The following MARK4 variants were observed in gnomAD, a reference collection of about 807,000 sequenced individuals.
MARK4 encodes the protein MAP/microtubule affinity-regulating kinase 4.
Under a neutral mutation model 81.5 loss-of-function variants are expected in MARK4, and 19 were observed. That is an observed-to-expected ratio of 0.23 (90% CI 0.16 to 0.34). The LOEUF (loss-of-function observed/expected upper bound fraction) is 0.34, where lower values mean the gene tolerates loss of function less well. Among genes scored for constraint, MARK4 ranks in the 10% least tolerant of loss-of-function variants. The probability of loss-of-function intolerance (pLI) is 1.00; values close to 1 mark genes in which losing one functional copy is unlikely to be tolerated. For missense variants in MARK4, 772 were observed against 1,058.8 expected (o/e 0.73, Z 3.76); for synonymous variants, 436 against 439.0 (o/e 0.99, Z 0.08).
intron 7 of MARK4, among the ~76,000 whole-genome samples, chr19:45,268,776 A>G (rs1970487994): frequency 6.6e-6 from 1 of 151,962 alleles, no homozygotes; most frequent in African/African-American, 2.4e-5. Flanking sequence ...CAAAAGCAGA[A>G]AGTGCATCTG....
At chr19:45,294,560 A>C (rs1372475774) in intron 14 of MARK4, 108 bp downstream of exon 14, 1 of 942,584 alleles carries the variant, frequency 1.1e-6, no homozygotes, top group Non-Finnish European at 1.6e-6. Context: ...CATGGGGACC[A>C]GAGAGTGAGT....
intron 13 of MARK4, among the ~76,000 whole-genome samples, chr19:45,290,581 G>A (rs541967488): frequency 7.4e-4 from 113 of 152,312 alleles, no homozygotes; most frequent in African/African-American, 2.6e-3. Flanking sequence ...GACAACCCTT[G>A]GCCAACGGTA....
chr19:45,263,373 G>T lies in MARK4; in HGVS notation c.355+6G>T, dbSNP rs565083937. The stretch of plus-strand genomic sequence containing the variant: ...CCTAAACCACCCCAACATCGGTGAG[G>T]AGGGAATGGGAGCAGGGGCAGGCCA... On this transcript the variant is annotated splice_donor_region_variant and intron_variant, in intron 4 of 16. Coordinates refer to ENST00000262891, the MANE Select transcript of MARK4 (RefSeq NM_001199867.2). 24 of 1,614,194 alleles carry T rather than the reference G, an allele frequency of 1.5e-5. No individual in the cohort carries two copies. In the African/African-American group the frequency reaches 3.2e-4, roughly 22 times the overall value.
Position 45,302,272 on chromosome 19 carries a change from A to T in MARK4, c.1923-102A>T. The T allele has an allele frequency of 6.4e-7, 1 of 1,567,634 alleles. No individual in the cohort carries two copies. On this transcript the variant is annotated intron_variant, in intron 16 of 16. Transcript: ENST00000262891. This position sits in a 1 kb window ranked among gnomAD's most constrained non-coding sequence, Gnocchi z 4.9. ...ACAGGGGAAGATGTTTTTTGAGGGG[A>T]TGGCTAGGAATGTGTCCCGAATTGG...
Position 45,278,536 on chromosome 19 carries a change from GATCAAC to G in MARK4, c.931_936del (p.Asn311_Ile312del). The G allele has an allele frequency of 2.5e-6, 4 of 1,613,982 alleles. No homozygotes were observed. The highest frequency in any genetic ancestry group is 3.4e-6 in the Non-Finnish European group (4 of 1,179,940). On this transcript the variant is annotated inframe_deletion, in exon 10 of 17. Coordinates refer to ENST00000262891, the MANE Select transcript of MARK4 (RefSeq NM_001199867.2). ...TGCAGCAAATCATGAAAGACAAATG[GATCAAC>G]ATCGGCTATGAGGGTGAGGAGTTGA...
At chr19:45,292,821 A>G (rs1276972757) in intron 13 of MARK4, among the ~76,000 whole-genome samples, 2 of 152,068 alleles carry the variant, frequency 1.3e-5, no homozygotes, top group Non-Finnish European at 2.9e-5. Context: ...GCAGTGAGCC[A>G]TGATCACCCC....
At chr19:45,265,593 T>G (rs913342886) in intron 6 of MARK4, among the ~76,000 whole-genome samples, 1 of 145,890 alleles carries the variant, frequency 6.9e-6, no homozygotes, top group Admixed American at 6.8e-5. Context: ...TGCCCAGGTG[T>G]GGGGTAAGAA....
intron 16 of MARK4, among the ~76,000 whole-genome samples, chr19:45,301,778 T>A (rs1459522422): frequency 2.7e-5 from 4 of 148,756 alleles, no homozygotes; most frequent in Non-Finnish European, 5.9e-5. Context: ...GGCAGGAGAA[T>A]CGCTTCAACC....
chr19:45,264,873 G>A lies in MARK4; in HGVS notation c.455G>A (p.Arg152His), dbSNP rs866208477. The A allele has an allele frequency of 1.9e-6, 3 of 1,614,084 alleles. No homozygotes were observed. Among genetic ancestry groups the A allele is most frequent in the Non-Finnish European group, 2.5e-6 (3 of 1,179,984 alleles). The change falls in exon 6 of 17, where the codon CGC becomes CAC. Residue 152 changes from arginine to histidine, a missense_variant. Arg to His is a conservative substitution (Grantham distance 29, BLOSUM62 0). This residue lies in a region of MARK4 where 109 missense variants were observed against 294.7 expected (regional missense o/e 0.37). Transcript: ENST00000262891. ...TTTGACTACCTCGTGTCGCATGGCC[G>A]CATGAAGGAGAAGGAAGCTCGAGCC... Reference protein sequence around the residue: ...EVFDYLVSHGRMKEKEARAKF... With the variant: ...EVFDYLVSHGHMKEKEARAKF...
chr19:45,294,427 C>G lies in MARK4; in HGVS notation c.1573C>G (p.Leu525Val). 6.2e-7 allele frequency: 1 copy of G among 1,614,104 alleles called. No individual in the cohort carries two copies. The highest frequency in any genetic ancestry group is 8.5e-7 in the Non-Finnish European group (1 of 1,180,024). ...TERPGAERPS[L>V]LPNGKENSSG... is the part of the protein sequence containing the mutation. ...ACGCCCGGGGGCTGAGCGCCCGTCA[C>G]TGTTGCCAAATGGGAAAGAAAACAG... The change falls in exon 14 of 17, where the codon CTG becomes GTG. Residue 525 changes from leucine to valine, a missense_variant. Transcript: ENST00000262891.
Position 45,303,536 on chromosome 19 carries a change from A to G in MARK4, c.*826A>G, listed in dbSNP as rs988168958. The G allele has an allele frequency of 1.3e-5, 2 of 152,166 alleles. No individual in the cohort carries two copies. Among genetic ancestry groups the G allele is most frequent in the African/African-American group, 4.8e-5 (2 of 41,422 alleles). The allele number at this position is 152,166 out of a possible 1,614,324, so 9.4% of individuals were successfully genotyped here. A position where few individuals can be genotyped will look rare whatever the true frequency, so the allele number is the denominator to read the frequency against. On this transcript the variant is annotated 3_prime_UTR_variant, in exon 17 of 17. Transcript: ENST00000262891. The stretch of plus-strand genomic sequence containing the variant: ...AAGGATGGTCGTGGAAGAAGGCAGG[A>G]TGGAACTCGGCCTCATCCCCGAGGC...
intron 4 of MARK4, 87 bp from the exon 5 acceptor site, chr19:45,264,597 A>G: frequency 7.7e-7 from 1 of 1,290,942 alleles, no homozygotes; most frequent in South Asian, 1.3e-5. Flanking sequence ...TGGGGGTGTT[A>G]TGGTTGGCAC....
At position 45,302,182 on chromosome 19, in the gene MARK4, G is replaced by A. The variant is rs893963525; in HGVS notation, c.1923-192G>A. On this transcript the variant is annotated intron_variant, in intron 16 of 16. Transcript: ENST00000262891. This position sits in a 1 kb window ranked among gnomAD's most constrained non-coding sequence, Gnocchi z 4.9. ...AGACAAGGTCACACCTGGTTGCAAGGGAGGCTGGAAAGTGTGGTCTCTAGC... is the reference window on the plus strand; with the variant it reads ...AGACAAGGTCACACCTGGTTGCAAGAGAGGCTGGAAAGTGTGGTCTCTAGC... 6.6e-6 allele frequency among the ~76,000 whole-genome samples: 1 copy of A among 152,224 alleles called. No homozygotes were observed. The highest frequency in any genetic ancestry group is 1.5e-5 in the Non-Finnish European group (1 of 68,040).
At position 45,264,859 on chromosome 19, in the gene MARK4, C is replaced by T. The variant is rs565217769; in HGVS notation, c.441C>T (p.Leu147=). ...YASAGEVFDY[L]VSHGRMKEKE... ...CTGCAGGAGAAGTGTTTGACTACCTCGTGTCGCATGGCCGCATGAAGGAGA... is the reference window on the plus strand; with the variant it reads ...CTGCAGGAGAAGTGTTTGACTACCTTGTGTCGCATGGCCGCATGAAGGAGA... Residue 147 remains leucine (L), a synonymous_variant, in exon 6 of 17, where the codon CTC becomes CTT. Transcript: ENST00000262891. The T allele has an allele frequency of 3.9e-5, 63 of 1,614,110 alleles. No individual in the cohort carries two copies. Among genetic ancestry groups the T allele is most frequent in the South Asian group, 8.8e-5 (8 of 91,082 alleles).
chr19:45,269,023 A>G (rs957741539), intron 7 of MARK4, among the ~76,000 whole-genome samples: 3 of 152,116 alleles, frequency 2.0e-5, no homozygotes, highest in African/African-American at 4.8e-5. Context: ...GTACCAACCA[A>G]GGGGACCAAC....
intron 6 of MARK4, among the ~76,000 whole-genome samples, chr19:45,265,426 G>A (rs901561293): frequency 3.9e-5 from 6 of 151,906 alleles, no homozygotes; most frequent in Admixed American, 6.6e-5. Flanking sequence ...GTGGGTGCCC[G>A]GGTGTGCGAG....
intron 7 of MARK4, among the ~76,000 whole-genome samples, chr19:45,266,730 C>CTTTTTTT (rs35618045): frequency 8.0e-6 from 1 of 124,264 alleles, no homozygotes; most frequent in Non-Finnish European, 1.7e-5. Flanking sequence ...AATCTGAGAA[C>CTTTTTTT]TTTTTTTTTT....
intron 9 of MARK4, 61 bp from the exon 10 acceptor site, chr19:45,278,455 G>A (rs1008695898): frequency 8.3e-6 from 12 of 1,443,994 alleles, no homozygotes; most frequent in East Asian, 6.8e-5. Context: ...GGCAGAAGCT[G>A]TATGATTTCT....
chr19:45,293,916 CAG>C (rs941902483), intron 13 of MARK4, among the ~76,000 whole-genome samples: 1 of 152,070 alleles, frequency 6.6e-6, no homozygotes, highest in Non-Finnish European at 1.5e-5. Flanking sequence ...AGGAGTGAGT[CAG>C]GGGAAAAGGT....
Sources: gnomAD v4.1 joint callset for allele counts (sites outside exome capture counted in the v4.1 genomes callset) on GRCh38, gnomAD v4.1.1 for gene constraint, gnomAD v4.1.1 regional missense constraint, Gnocchi (gnomAD v3.1) non-coding constraint, MANE v1.5 for transcripts, NCBI Gene and HGNC (gene_info 2026-07-23, HGNC 2026-07-21) for gene names.